The following MAF variants were observed in gnomAD, a reference collection of about 807,000 sequenced individuals.
MAF encodes transcription factor Maf.
In MAF, 10 loss-of-function variants were observed where a neutral mutation model predicts 22.0. The observed-to-expected ratio is 0.45, with a 90% CI of 0.28 to 0.77. The LOEUF is 0.77. Ranked by LOEUF, MAF falls within the 30% of genes least tolerant of loss-of-function variation. MAF has a pLI of 0.12. For missense variants in MAF, 544 were observed against 548.4 expected, an observed-to-expected ratio of 0.99 and a Z score of 0.08; for synonymous variants, 337 against 255.8, an observed-to-expected ratio of 1.32 and a Z score of -3.03.
At chr16:79,284,241 G>A in the MAF span, among the ~76,000 whole-genome samples, 2 of 152,050 alleles carry the variant, frequency 1.3e-5, no homozygotes, top group Non-Finnish European at 2.9e-5. Flanking sequence ...AACTCCCTTT[G>A]GTATGAAGGT....
At chr16:79,259,440 T>C in the MAF span, among the ~76,000 whole-genome samples, 1 of 152,158 alleles carries the variant, frequency 6.6e-6, no homozygotes, top group Non-Finnish European at 1.5e-5. Flanking sequence ...CAACAGGTAA[T>C]TCCTTTATGT....
At chr16:79,362,972 C>A in the MAF span, among the ~76,000 whole-genome samples, 1 of 152,144 alleles carries the variant, frequency 6.6e-6, no homozygotes, top group Non-Finnish European at 1.5e-5. Context: ...AACTAGTAAT[C>A]CTGTTAGCCT....
At chr16:79,466,631 T>G in the MAF span, among the ~76,000 whole-genome samples, 6 of 152,220 alleles carry the variant, frequency 3.9e-5, no homozygotes, top group African/African-American at 1.4e-4. Flanking sequence ...TTGGAATGCA[T>G]GTACTGATTT....
the MAF span, among the ~76,000 whole-genome samples, chr16:79,476,148 G>C: frequency 6.6e-6 from 1 of 152,274 alleles, no homozygotes; most frequent in African/African-American, 2.4e-5. Context: ...AAGCCTCCAT[G>C]AGTTTTTAGC....
the MAF span, among the ~76,000 whole-genome samples, chr16:79,354,605 C>T: frequency 6.6e-6 from 1 of 152,314 alleles, no homozygotes; most frequent in South Asian, 2.1e-4. Flanking sequence ...ACCATTCCAA[C>T]AGTTCACATC....
intron 1 of MAF, chr16:79,596,685 T>G (rs953662133): frequency 1.9e-6 from 2 of 1,038,214 alleles, no homozygotes; most frequent in Admixed American, 5.6e-5. Flanking sequence ...TTTTCATTTC[T>G]TTTTAAAGAC....
At chr16:79,299,526 G>A in the MAF span, among the ~76,000 whole-genome samples, 1 of 152,130 alleles carries the variant, frequency 6.6e-6, no homozygotes, top group Admixed American at 6.5e-5. Flanking sequence ...GGAAGAGAGG[G>A]AAACTCAATT....
At chr16:79,517,900 G>C in the MAF span, among the ~76,000 whole-genome samples, 1 of 152,132 alleles carries the variant, frequency 6.6e-6, no homozygotes, top group Non-Finnish European at 1.5e-5. Flanking sequence ...TACAAAGTTG[G>C]AGCTCTGAAA....
chr16:79,353,001 G>T, the MAF span, among the ~76,000 whole-genome samples: 1 of 152,142 alleles, frequency 6.6e-6, no homozygotes, highest in Admixed American at 6.5e-5. Context: ...TATAACGAAT[G>T]TCAAGGGCTG....
the MAF span, among the ~76,000 whole-genome samples, chr16:79,299,769 A>G: frequency 1.3e-5 from 2 of 152,218 alleles, no homozygotes; most frequent in Non-Finnish European, 2.9e-5. Flanking sequence ...CGTGTGTTCC[A>G]ATCACATGGC....
chr16:79,290,533 G>A, the MAF span, among the ~76,000 whole-genome samples: 1 of 152,134 alleles, frequency 6.6e-6, no homozygotes, highest in Non-Finnish European at 1.5e-5. Context: ...GCTGTCCCAA[G>A]AGCCTGTGTG....
chr16:79,324,627 A>C, the MAF span, among the ~76,000 whole-genome samples: 1 of 152,204 alleles, frequency 6.6e-6, no homozygotes, highest in African/African-American at 2.4e-5. Flanking sequence ...CCTAGGTAGT[A>C]AGCAGCAGAG....
chr16:79,517,461 C>A, the MAF span, among the ~76,000 whole-genome samples: 1 of 152,016 alleles, frequency 6.6e-6, no homozygotes, highest in Non-Finnish European at 1.5e-5. Flanking sequence ...ATAATTTAAA[C>A]AACAAATAAA....
the MAF span, among the ~76,000 whole-genome samples, chr16:79,272,959 T>A: frequency 6.6e-6 from 1 of 152,200 alleles, no homozygotes; most frequent in African/African-American, 2.4e-5. Context: ...TCTTCTGCAT[T>A]TCATGTAATC....
chr16:79,332,566 T>G, the MAF span, among the ~76,000 whole-genome samples: 2 of 152,254 alleles, frequency 1.3e-5, no homozygotes, highest in Admixed American at 1.3e-4. Context: ...CCCAAAGTAC[T>G]GAGATTACTG....
At chr16:79,216,332 A>G in the MAF span, among the ~76,000 whole-genome samples, 7 of 152,342 alleles carry the variant, frequency 4.6e-5, no homozygotes, top group East Asian at 9.6e-4. Flanking sequence ...ACATGTGCAT[A>G]TGCACATATA....
At chr16:79,576,351 T>G in the MAF span, among the ~76,000 whole-genome samples, 2 of 152,004 alleles carry the variant, frequency 1.3e-5, no homozygotes, top group East Asian at 3.9e-4. Context: ...TCCATGTTCT[T>G]GGAAGTTTGA....
the MAF span, among the ~76,000 whole-genome samples, chr16:79,243,236 C>A: frequency 6.6e-6 from 1 of 151,430 alleles, no homozygotes; most frequent in Non-Finnish European, 1.5e-5. Flanking sequence ...CACAAAAAAC[C>A]CTTAAAAAAA....
At chr16:79,503,781 C>T in the MAF span, among the ~76,000 whole-genome samples, 24 of 152,114 alleles carry the variant, frequency 1.6e-4, no homozygotes, top group Non-Finnish European at 3.1e-4. Context: ...TTGCTTGGTC[C>T]GTGTTTCTGC....
Sources: gnomAD v4.1 joint callset for allele counts (sites outside exome capture counted in the v4.1 genomes callset) on GRCh38, gnomAD v4.1.1 for gene constraint, MANE v1.5 for transcripts, NCBI Gene and HGNC (gene_info 2026-07-23, HGNC 2026-07-21) for gene names.